CNTNAP5: variants seen among roughly 807,000 people sequenced by gnomAD.
CNTNAP5 encodes contactin-associated protein-like 5.
In CNTNAP5, 72 loss-of-function variants were observed where a neutral mutation model predicts 150.2. That is an observed-to-expected ratio of 0.48 (90% confidence interval 0.40 to 0.58). The LOEUF is 0.58. CNTNAP5 is among the 20% of genes least tolerant of loss of function. The pLI is 0.00. For missense variants in CNTNAP5, 1,636 were observed against 1,626.2 expected (o/e 1.01, Z -0.10); for synonymous variants, 672 against 619.8 (o/e 1.08, Z -1.25).
At chr2:124,378,148 G>A (rs1690699295) in intron 3 of CNTNAP5, among the ~76,000 whole-genome samples, 1 of 151,908 alleles carries the variant, frequency 6.6e-6, no homozygotes, top group Non-Finnish European at 1.5e-5. Flanking sequence ...ACTGGTCCAG[G>A]TATATATATC....
intron 13 of CNTNAP5, among the ~76,000 whole-genome samples, chr2:124,734,360 C>G (rs1680337412): frequency 6.6e-6 from 1 of 151,918 alleles, no homozygotes; most frequent in African/African-American, 2.4e-5. Flanking sequence ...GGAATTGGGA[C>G]CTAGTGACTT....
At chr2:124,898,115 G>GA (rs1678344568) in intron 21 of CNTNAP5, among the ~76,000 whole-genome samples, 1 of 151,172 alleles carries the variant, frequency 6.6e-6, no homozygotes, top group Non-Finnish European at 1.5e-5. Context: ...ACTCCAGAGG[G>GA]AAAAATTTTT....
At chr2:124,905,624 G>T (rs1351529241) in intron 22 of CNTNAP5, among the ~76,000 whole-genome samples, 1 of 152,074 alleles carries the variant, frequency 6.6e-6, no homozygotes, top group Non-Finnish European at 1.5e-5. Flanking sequence ...GCCTTTGAAA[G>T]AAAAGTTTAT....
chr2:124,586,170 T>G (rs577465009), intron 11 of CNTNAP5, among the ~76,000 whole-genome samples: 2 of 152,260 alleles, frequency 1.3e-5, no homozygotes, highest in Non-Finnish European at 2.9e-5. Flanking sequence ...GCTCACTAGA[T>G]GGCGATTTCA....
At chr2:124,232,626 T>G (rs1195118166) in intron 2 of CNTNAP5, among the ~76,000 whole-genome samples, 2 of 152,192 alleles carry the variant, frequency 1.3e-5, no homozygotes, top group African/African-American at 4.8e-5. Flanking sequence ...CATTTCTCCT[T>G]TTGAGTATCT....
intron 1 of CNTNAP5, among the ~76,000 whole-genome samples, chr2:124,136,271 C>T (rs1048789501): frequency 1.3e-5 from 2 of 152,138 alleles, no homozygotes; most frequent in African/African-American, 2.4e-5. Context: ...AGCTTTCTCA[C>T]TGCTGCAGCC....
At chr2:124,739,003 G>A (rs949329240) in intron 13 of CNTNAP5, among the ~76,000 whole-genome samples, 2 of 152,084 alleles carry the variant, frequency 1.3e-5, no homozygotes, top group East Asian at 1.9e-4. Context: ...AGTTAATCAC[G>A]TTGTCCATCT....
At chr2:124,392,667 T>A (rs2104749882) in intron 3 of CNTNAP5, among the ~76,000 whole-genome samples, 1 of 139,336 alleles carries the variant, frequency 7.2e-6, no homozygotes. Context: ...GTTTTTGATT[T>A]GCATTTTGTT....
chr2:124,123,388 G>T (rs938825655), intron 1 of CNTNAP5, among the ~76,000 whole-genome samples: 1 of 152,150 alleles, frequency 6.6e-6, no homozygotes, highest in Admixed American at 6.5e-5. Flanking sequence ...GCTTGAGTAG[G>T]TAAACAAAGC....
chr2:124,216,856 G>C (rs1686171035), intron 1 of CNTNAP5, among the ~76,000 whole-genome samples: 1 of 152,150 alleles, frequency 6.6e-6, no homozygotes, highest in African/African-American at 2.4e-5. Flanking sequence ...ACATACGTGT[G>C]CATGTGTCTT....
At chr2:124,486,724 G>T (rs1198457483) in intron 7 of CNTNAP5, among the ~76,000 whole-genome samples, 3 of 152,082 alleles carry the variant, frequency 2.0e-5, no homozygotes, top group African/African-American at 7.2e-5. Context: ...ACAAGTATAG[G>T]CCTAGGCTCT....
chr2:124,468,891 T>C (rs1693441782), intron 6 of CNTNAP5, among the ~76,000 whole-genome samples: 1 of 152,228 alleles, frequency 6.6e-6, no homozygotes, highest in Non-Finnish European at 1.5e-5. Context: ...TGCCTCTTCC[T>C]CAGCCTTTGC....
intron 14 of CNTNAP5, among the ~76,000 whole-genome samples, chr2:124,761,476 T>C (rs866130139): frequency 6.6e-6 from 1 of 152,044 alleles, no homozygotes; most frequent in Non-Finnish European, 1.5e-5. Flanking sequence ...AAACTGAAAA[T>C]TTTTACATTA....
intron 21 of CNTNAP5, among the ~76,000 whole-genome samples, chr2:124,886,846 A>G (rs985308733): frequency 6.6e-6 from 1 of 152,022 alleles, no homozygotes; most frequent in Non-Finnish European, 1.5e-5. Flanking sequence ...TGTACTGACC[A>G]CATGTCCTGG....
chr2:124,709,228 T>TGC (rs149457269), intron 13 of CNTNAP5, among the ~76,000 whole-genome samples: 24,040 of 146,612 alleles, frequency 0.16, 2,152 homozygotes, highest in East Asian at 0.24. Flanking sequence ...TGTGTGTGTG[T>TGC]GTGCGTGTGT....
intron 11 of CNTNAP5, among the ~76,000 whole-genome samples, chr2:124,592,901 C>T (rs1026694111): frequency 6.6e-6 from 1 of 151,238 alleles, no homozygotes; most frequent in African/African-American, 2.4e-5. Flanking sequence ...TGTCCATTTG[C>T]CCTTTTTTTG....
chr2:124,802,844 G>T (rs1681998318), intron 19 of CNTNAP5, among the ~76,000 whole-genome samples: 1 of 152,102 alleles, frequency 6.6e-6, no homozygotes, highest in African/African-American at 2.4e-5. Context: ...AATCTAACTG[G>T]CCAGGCGCGG....
chr2:124,670,214 C>A (rs1678791738), intron 13 of CNTNAP5, among the ~76,000 whole-genome samples: 1 of 89,366 alleles, frequency 1.1e-5, no homozygotes, highest in African/African-American at 5.4e-5. Flanking sequence ...TCCTTCTTTC[C>A]CTCTTTCTTT....
chr2:124,619,785 C>T (rs1421011795), intron 12 of CNTNAP5, among the ~76,000 whole-genome samples: 2 of 148,566 alleles, frequency 1.3e-5, no homozygotes, highest in Non-Finnish European at 1.5e-5. Flanking sequence ...TTTGGGCATA[C>T]TAAACCTTCA....
Sources: allele counts gnomAD v4.1 joint callset (sites outside exome capture counted in the v4.1 genomes callset), GRCh38; gene constraint gnomAD v4.1.1; transcripts MANE v1.5; gene names NCBI Gene and HGNC (gene_info 2026-07-23, HGNC 2026-07-21).